Variants in KCNK13 observed in about 807,000 individuals in gnomAD.
KCNK13 encodes potassium two pore domain channel subfamily K member 13.
Under a neutral mutation model 23.4 loss-of-function variants are expected in KCNK13, and 12 were observed. The observed-to-expected ratio is 0.51, with a 90% CI of 0.33 to 0.83. The LOEUF is 0.83. KCNK13 is among the 40% of genes least tolerant of loss of function. The pLI is 0.02. For synonymous variants in KCNK13, 231 were observed against 229.5 expected (o/e 1.01, Z -0.06); for missense variants, 463 against 556.3 (o/e 0.83, Z 1.69).
chr14:90,161,859 G>C (rs928738094), intron 1 of KCNK13, among the ~76,000 whole-genome samples: 1 of 152,138 alleles, frequency 6.6e-6, no homozygotes, highest in East Asian at 1.9e-4. Context: ...AGAGAGGTGA[G>C]GGAAGAGCCC....
At chr14:90,077,368 G>T (rs1025400481) in intron 1 of KCNK13, among the ~76,000 whole-genome samples, 1 of 152,028 alleles carries the variant, frequency 6.6e-6, no homozygotes, top group Non-Finnish European at 1.5e-5. Flanking sequence ...TGATCCGCCC[G>T]CCTCGGCCTC....
At chr14:90,085,070 G>A (rs1245676224) in intron 1 of KCNK13, among the ~76,000 whole-genome samples, 2 of 152,006 alleles carry the variant, frequency 1.3e-5, no homozygotes, top group African/African-American at 2.4e-5. Context: ...AGCTTCTGGA[G>A]TAGCTGAGAT....
In KCNK13 at chr14:90,062,173, G is replaced by GT; in HGVS notation, c.-32dup. On this transcript the variant is annotated 5_prime_UTR_variant, in exon 1 of 2. Coordinates refer to ENST00000282146, the MANE Select transcript of KCNK13 (RefSeq NM_022054.4). The surrounding 1 kb of genome is among the most constrained non-coding windows in gnomAD (Gnocchi z 4.5). ...CGAGACTCCGCCGACGCCCGGTGCC[G>GT]TGGGCCTGGGGGCTGCCCCCGGGGG... 7.7e-7 allele frequency: 1 copy of GT among 1,305,588 alleles called. No homozygotes were observed. The highest frequency in any genetic ancestry group is 9.8e-7 in the Non-Finnish European group (1 of 1,017,982). The allele number at this position is 1,305,588 out of a possible 1,614,324, so 80.9% of individuals were successfully genotyped here.
At chr14:90,160,950 T>G (rs748550856) in intron 1 of KCNK13, among the ~76,000 whole-genome samples, 4 of 152,106 alleles carry the variant, frequency 2.6e-5, no homozygotes, top group Non-Finnish European at 5.9e-5. Flanking sequence ...TTTTTTAATA[T>G]GTACCCAAAA....
chr14:90,153,867 A>G (rs745510573), intron 1 of KCNK13, among the ~76,000 whole-genome samples: 1 of 152,164 alleles, frequency 6.6e-6, no homozygotes, highest in Non-Finnish European at 1.5e-5. Context: ...GAGCGGTGAC[A>G]CCTGGCAGCC....
At chr14:90,183,097 T>G (rs1312305590) in intron 1 of KCNK13, among the ~76,000 whole-genome samples, 1 of 152,184 alleles carries the variant, frequency 6.6e-6, no homozygotes, top group African/African-American at 2.4e-5. Flanking sequence ...TCTGTTTTTC[T>G]TAGTAACATC....
intron 1 of KCNK13, among the ~76,000 whole-genome samples, chr14:90,145,616 C>T (rs895188406): frequency 2.0e-5 from 3 of 152,122 alleles, no homozygotes; most frequent in South Asian, 4.2e-4. Context: ...GCACTTCCTC[C>T]TCTTCTATTT....
chr14:90,080,707 T>C (rs1889198527), intron 1 of KCNK13, among the ~76,000 whole-genome samples: 1 of 152,118 alleles, frequency 6.6e-6, no homozygotes, highest in African/African-American at 2.4e-5. Context: ...AGCCCCAGGG[T>C]TCCCCGTTAG....
intron 1 of KCNK13, among the ~76,000 whole-genome samples, chr14:90,065,501 GA>G (rs1415413881): frequency 2.0e-5 from 3 of 152,148 alleles, no homozygotes; most frequent in Admixed American, 1.3e-4. Context: ...ATCGAGGAAG[GA>G]AAGTAAGTTA....
intron 1 of KCNK13, among the ~76,000 whole-genome samples, chr14:90,176,247 T>C (rs1890420913): frequency 6.6e-6 from 1 of 152,198 alleles, no homozygotes; most frequent in South Asian, 2.1e-4. Context: ...GCCTGGCTTA[T>C]TGAAGCTTCA....
At chr14:90,153,731 G>A (rs1251635468) in intron 1 of KCNK13, among the ~76,000 whole-genome samples, 1 of 152,144 alleles carries the variant, frequency 6.6e-6, no homozygotes, top group Non-Finnish European at 1.5e-5. Context: ...AAGAAACATG[G>A]GCTGCAGTCT....
intron 1 of KCNK13, among the ~76,000 whole-genome samples, chr14:90,168,923 T>C (rs989062901): frequency 1.3e-5 from 2 of 152,208 alleles, no homozygotes; most frequent in Non-Finnish European, 2.9e-5. Flanking sequence ...TCATGAGATC[T>C]GATGGTTTTA....
chr14:90,143,458 T>C (rs1890038688), intron 1 of KCNK13, among the ~76,000 whole-genome samples: 1 of 152,144 alleles, frequency 6.6e-6, no homozygotes, highest in African/African-American at 2.4e-5. Context: ...AGCATCTTTG[T>C]AAAGAATCAG....
intron 1 of KCNK13, among the ~76,000 whole-genome samples, chr14:90,166,352 T>G (rs934378405): frequency 6.6e-6 from 1 of 152,224 alleles, no homozygotes. Context: ...TGGCAAATTT[T>G]AATATGCTTT....
At chr14:90,093,088 C>CTGCACTAA (rs921953132) in intron 1 of KCNK13, among the ~76,000 whole-genome samples, 5 of 152,204 alleles carry the variant, frequency 3.3e-5, no homozygotes, top group Admixed American at 1.3e-4. Context: ...GAGCCAGGCA[C>CTGCACTAA]TGCACTAAGT....
At chr14:90,124,728 G>T (rs1431184131) in intron 1 of KCNK13, among the ~76,000 whole-genome samples, 1 of 152,242 alleles carries the variant, frequency 6.6e-6, no homozygotes, top group Non-Finnish European at 1.5e-5. Context: ...CTGAGACCCA[G>T]GTCAGACTTC....
chr14:90,102,689 A>G (rs1889496476), intron 1 of KCNK13, among the ~76,000 whole-genome samples: 1 of 152,130 alleles, frequency 6.6e-6, no homozygotes, highest in Non-Finnish European at 1.5e-5. Flanking sequence ...GCTGTCTCAG[A>G]TGTTAACACT....
At position 90,163,659 on chromosome 14, in the gene KCNK13, G is replaced by A. The variant is rs540345289; in HGVS notation, c.335-20452G>A. On this transcript the variant is annotated intron_variant, in intron 1 of 1. Transcript: ENST00000282146. ...TTCACACTTGCTAGCTGAGTTGGCA[G>A]TTCCATCTAACTTCACGTTTCTTAT... Among the ~76,000 whole-genome samples the A allele has an allele frequency of 2.6e-5, 4 of 152,240 alleles. No individual in the cohort carries two copies. In the East Asian group the frequency reaches 5.8e-4, roughly 22 times the overall value.
At chr14:90,140,522 G>T (rs78802069) in intron 1 of KCNK13, among the ~76,000 whole-genome samples, 1 of 152,122 alleles carries the variant, frequency 6.6e-6, no homozygotes, top group African/African-American at 2.4e-5. Flanking sequence ...CCTTCCAGAC[G>T]AGTCCCCTCT....
Sources: allele counts gnomAD v4.1 joint callset (sites outside exome capture counted in the v4.1 genomes callset), GRCh38; gene constraint gnomAD v4.1.1; non-coding constraint Gnocchi (gnomAD v3.1); transcripts MANE v1.5; gene names NCBI Gene and HGNC (gene_info 2026-07-23, HGNC 2026-07-21).